The following NAV1 variants were observed in gnomAD, a reference collection of about 807,000 sequenced individuals.
The protein encoded by NAV1 is neuron navigator 1, also known as pore membrane and/or filament interacting like protein 3.
Under a neutral mutation model 175.2 loss-of-function variants are expected in NAV1, and 18 were observed. The ratio of observed to expected loss-of-function variants is 0.10; its 90% CI spans 0.07 to 0.15. The LOEUF is 0.15. Ranked by LOEUF, NAV1 falls within the 10% of genes least tolerant of loss-of-function variation. NAV1 has a pLI of 1.00. For missense variants in NAV1, 1,731 were observed against 2,436.6 expected (o/e 0.71, Z 6.10); for synonymous variants, 897 against 978.7 (o/e 0.92, Z 1.56).
upstream of NAV1, among the ~76,000 whole-genome samples, chr1:201,646,227 A>C (rs562054910): frequency 6.6e-6 from 1 of 152,186 alleles, no homozygotes; most frequent in Non-Finnish European, 1.5e-5. Flanking sequence ...GTCATTTCCT[A>C]TCTGGAACCA....
At chr1:201,747,243 C>T (rs971770841) in intron 3 of NAV1, among the ~76,000 whole-genome samples, 1 of 152,172 alleles carries the variant, frequency 6.6e-6, no homozygotes, top group African/African-American at 2.4e-5. Context: ...CATGCACACA[C>T]GGTCCTGCCT....
Position 201,771,245 on chromosome 1 carries a change from A to AAAAC in NAV1, c.1227-9173_1227-9172insCAAA, listed in dbSNP as rs1273647543. 2.0e-5 allele frequency among the ~76,000 whole-genome samples: 3 copies of AAAAC among 151,360 alleles called. 1 individual carries two copies. The East Asian group carries it at 5.8e-4, about 29-fold the overall frequency. ...CAGAGCGAGACTCCGTCTCAAAAAA[A>AAAAC]AAAAAAAAAACATCTGGTGATTTGG... On this transcript the variant is annotated intron_variant, in intron 3 of 29. Coordinates refer to ENST00000367296, the Ensembl canonical transcript of NAV1.
intron 1 of NAV1, among the ~76,000 whole-genome samples, chr1:201,709,153 A>AAC (rs1159229522): frequency 1.3e-5 from 2 of 151,678 alleles, no homozygotes; most frequent in African/African-American, 4.9e-5. Flanking sequence ...TCCAAAAAAA[A>AAC]AAAAAAAACC....
chr1:201,588,504 C>T (rs1046209760), intron 1 of NAV1, among the ~76,000 whole-genome samples, 35 bp from the exon 2 acceptor site: 1 of 150,444 alleles, frequency 6.6e-6, no homozygotes, highest in Non-Finnish European at 1.5e-5. Context: ...GGTGCCACCA[C>T]ACCCAGCTGA....
Position 201,809,270 on chromosome 1 carries a change from C to A in NAV1, c.4305+9C>A, listed in dbSNP as rs1678534769. On this transcript the variant is annotated intron_variant, in intron 21 of 29. Transcript: ENST00000367296. The stretch of plus-strand genomic sequence containing the variant: ...AGCACATCATCAAAGGGGTAAGGAA[C>A]TTCAGGGAGAGCCACAGTGGGAATG... 5.0e-6 allele frequency: 8 copies of A among 1,613,496 alleles called. No homozygotes were observed. Among genetic ancestry groups the A allele is most frequent in the Non-Finnish European group, 6.8e-6 (8 of 1,179,476 alleles).
chr1:201,807,034 C>CTGTG lies in NAV1; in HGVS notation c.3649-907_3649-904dup, dbSNP rs71713615. Among the ~76,000 whole-genome samples, 15 of 150,872 alleles carry CTGTG rather than the reference C, an allele frequency of 9.9e-5. No homozygotes were observed. In the South Asian group the frequency reaches 2.1e-3, roughly 21 times the overall value. ...TTGCTGCCATTTCATATCTGTGTCCCTGTGTGTGTGTGTGTATGTGTGTGT... is the reference window on the plus strand; with the variant it reads ...TTGCTGCCATTTCATATCTGTGTCCCTGTGTGTGTGTGTGTGTGTATGTGTGTGT... On this transcript the variant is annotated intron_variant, in intron 17 of 29. Coordinates refer to ENST00000367296, the Ensembl canonical transcript of NAV1. The surrounding 1 kb of genome is among the most constrained non-coding windows in gnomAD (Gnocchi z 5.4).
intron 1 of NAV1, among the ~76,000 whole-genome samples, chr1:201,662,709 A>G (rs1182337458): frequency 6.6e-6 from 1 of 151,974 alleles, no homozygotes; most frequent in Non-Finnish European, 1.5e-5. Flanking sequence ...TTCTATTTCC[A>G]CTTCTCCTGC....
chr1:201,783,534 C>T (rs1483218624), exon 7 of NAV1: 2 of 1,614,184 alleles, frequency 1.2e-6, no homozygotes, highest in Non-Finnish European at 1.7e-6. Flanking sequence ...CTGCATGCTA[C>T]AAGCTCAGCA....
At chr1:201,755,427 AAAG>A (rs1261969458) in intron 3 of NAV1, among the ~76,000 whole-genome samples, 2 of 152,206 alleles carry the variant, frequency 1.3e-5, no homozygotes, top group African/African-American at 4.8e-5. Flanking sequence ...GTCTCAAAAA[AAAG>A]AAGAAAGAGA....
chr1:201,735,989 C>G (rs1383856375), intron 3 of NAV1, among the ~76,000 whole-genome samples: 1 of 152,184 alleles, frequency 6.6e-6, no homozygotes, highest in Non-Finnish European at 1.5e-5. Flanking sequence ...TTAATTCTTT[C>G]TCTTTTTAAT....
chr1:201,769,490 T>G (rs1675425926), intron 3 of NAV1, among the ~76,000 whole-genome samples: 1 of 152,244 alleles, frequency 6.6e-6, no homozygotes, highest in Non-Finnish European at 1.5e-5. Context: ...TAGAATACAG[T>G]GCATACCTAG....
chr1:201,557,764 G>A (rs1438267787), intron 1 of NAV1, among the ~76,000 whole-genome samples: 4 of 152,216 alleles, frequency 2.6e-5, no homozygotes, highest in East Asian at 1.9e-4. Flanking sequence ...AATGTCAAAC[G>A]TGGTTTTGTT....
chr1:201,557,644 G>A (rs988910169), intron 1 of NAV1, among the ~76,000 whole-genome samples: 4 of 152,202 alleles, frequency 2.6e-5, no homozygotes, highest in African/African-American at 9.7e-5. Context: ...TTTTCAGGTG[G>A]GTTAACTGAG....
chr1:201,811,827 A>G (rs994917959), intron 25 of NAV1, 70 bp downstream of exon 29: 13 of 1,612,308 alleles, frequency 8.1e-6, no homozygotes, highest in African/African-American at 2.7e-5. Flanking sequence ...AGGACAACCT[A>G]TGAGTTGTGT....
chr1:201,752,900 T>C (rs1674216980), intron 3 of NAV1, among the ~76,000 whole-genome samples: 1 of 152,166 alleles, frequency 6.6e-6, no homozygotes, highest in South Asian at 2.1e-4. Context: ...GAAGCTTTAT[T>C]TTTGGTGACC....
At chr1:201,593,923 A>G (rs947683987) in intron 2 of NAV1, among the ~76,000 whole-genome samples, 1 of 152,034 alleles carries the variant, frequency 6.6e-6, no homozygotes, top group African/African-American at 2.4e-5. Flanking sequence ...AGCAGGTGTT[A>G]AGACTCTGCC....
rs149421808 is a variant in NAV1, at chr1:201,702,954, A to G, written c.758-9863A>G. On this transcript the variant is annotated intron_variant, in intron 1 of 29. Coordinates refer to ENST00000367296, the Ensembl canonical transcript of NAV1. ...GGCTAATATACATAAAGCTGCTAGA[A>G]TAGTGCCTGGTACCCAGCCCTGTAG... Among the ~76,000 whole-genome samples the G allele has an allele frequency of 1.4e-4, 21 of 152,336 alleles. No individual in the cohort carries two copies. The East Asian group carries it at 3.7e-3, about 27-fold the overall frequency.
At chr1:201,756,205 T>C (rs1039163030) in intron 3 of NAV1, among the ~76,000 whole-genome samples, 4 of 151,880 alleles carry the variant, frequency 2.6e-5, no homozygotes, top group African/African-American at 4.8e-5. Flanking sequence ...GGAGCAGTGT[T>C]CCAAGTAACA....
chr1:201,771,609 G>A (rs916945090), intron 3 of NAV1, among the ~76,000 whole-genome samples: 38 of 151,920 alleles, frequency 2.5e-4, no homozygotes, highest in Admixed American at 1.8e-3. Context: ...GCCTAACAGC[G>A]GAAGGGACAT....
Sources: allele counts gnomAD v4.1 joint callset (sites outside exome capture counted in the v4.1 genomes callset), GRCh38; gene constraint gnomAD v4.1.1; non-coding constraint Gnocchi (gnomAD v3.1); transcripts MANE v1.5; gene names NCBI Gene and HGNC (gene_info 2026-07-23, HGNC 2026-07-21).